The following CDS2 variants were observed in gnomAD, a reference collection of about 807,000 sequenced individuals.
CDS2 encodes the protein phosphatidate cytidylyltransferase 2.
CDS2 carries 47 observed loss-of-function variants against 59.0 expected under a neutral mutation model. The observed-to-expected ratio is 0.80, with a 90% CI of 0.63 to 1.02. The LOEUF (loss-of-function observed/expected upper bound fraction) is 1.02. Among genes scored for constraint, CDS2 ranks in the 50% least tolerant of loss-of-function variants. CDS2 has a pLI of 0.00. For synonymous variants in CDS2, 207 were observed against 206.4 expected, an observed-to-expected ratio of 1.00 and a Z score of -0.02; for missense variants, 356 against 558.9, an observed-to-expected ratio of 0.64 and a Z score of 3.66.
chr20:5,178,807 T>C lies in CDS2; in HGVS notation c.390-10T>C, dbSNP rs1568542037. On this transcript the variant is annotated splice_polypyrimidine_tract_variant and intron_variant, in intron 4 of 12. Coordinates refer to ENST00000460006, the MANE Select transcript of CDS2 (RefSeq NM_003818.4). The stretch of plus-strand genomic sequence containing the variant: ...TGCTCCCCACGGCAATGACCTGTCT[T>C]CATTTACAGGTACTTTCTCCTGTGT... 6.2e-7 allele frequency: 1 copy of C among 1,614,060 alleles called. No individual in the cohort carries two copies.
At chr20:5,168,443 A>G (rs1479620647) in intron 1 of CDS2, among the ~76,000 whole-genome samples, 14 of 151,724 alleles carry the variant, frequency 9.2e-5, no homozygotes, top group African/African-American at 1.7e-4. Flanking sequence ...AGAAAAGAAA[A>G]AAAAAAAAGA....
At position 5,175,479 on chromosome 20, in the gene CDS2, G is replaced by T. The variant is rs189240501; in HGVS notation, c.291+200G>T. 14 of 508,396 alleles carry T rather than the reference G, an allele frequency of 2.8e-5. No homozygotes were observed. The Admixed American group carries it at 4.2e-4, about 15-fold the overall frequency. The allele number at this position is 508,396 out of a possible 1,614,324, so 31.5% of individuals were successfully genotyped here. A position where few individuals can be genotyped will look rare whatever the true frequency, so the allele number is the denominator to read the frequency against. ...TCATTGGTGTAGGCTGGTTGTTTAT[G>T]GTTGAAGATGTCTCAGTGTCTTTTC... On this transcript the variant is annotated intron_variant, in intron 3 of 12. Transcript: ENST00000460006.
At chr20:5,131,272 G>A (rs1369129384) in intron 1 of CDS2, among the ~76,000 whole-genome samples, 2 of 152,124 alleles carry the variant, frequency 1.3e-5, no homozygotes, top group Non-Finnish European at 1.5e-5. Flanking sequence ...ATCTGAGAAT[G>A]GAATTTTCAA....
rs1446143552 is a variant in CDS2 at position 5,186,675 on chromosome 20, A to G, written c.829-12A>G. On this transcript the variant is annotated splice_polypyrimidine_tract_variant and intron_variant, in intron 9 of 12. Coordinates refer to ENST00000460006, the MANE Select transcript of CDS2 (RefSeq NM_003818.4). ...TTACTTCCTTGCCGGTCTCTCTGTT[A>G]TTCCTCCTCAGCTGTCCTATGTGAT... The G allele has an allele frequency of 1.2e-6, 2 of 1,613,504 alleles. No homozygotes were observed. Among genetic ancestry groups the G allele is most frequent in the Non-Finnish European group, 1.7e-6 (2 of 1,179,568 alleles).
At chr20:5,168,172 T>C (rs959142758) in intron 1 of CDS2, among the ~76,000 whole-genome samples, 5 of 152,036 alleles carry the variant, frequency 3.3e-5, no homozygotes, top group Admixed American at 2.0e-4. Flanking sequence ...CCCAGCACTT[T>C]GGGAGGCCGA....
intron 10 of CDS2, among the ~76,000 whole-genome samples, chr20:5,188,063 T>TGTGC (rs140903949): frequency 6.6e-6 from 1 of 151,868 alleles, no homozygotes; most frequent in Non-Finnish European, 1.5e-5. Flanking sequence ...TACGTGTGTG[T>TGTGC]GTGTGTGTGT....
chr20:5,152,121 T>C (rs1410588031), intron 1 of CDS2, among the ~76,000 whole-genome samples: 2 of 152,004 alleles, frequency 1.3e-5, no homozygotes, highest in Non-Finnish European at 2.9e-5. Flanking sequence ...GGCAATGATC[T>C]TTTAAAATAC....
At chr20:5,153,031 C>T (rs554705235) in intron 1 of CDS2, among the ~76,000 whole-genome samples, 5 of 152,192 alleles carry the variant, frequency 3.3e-5, no homozygotes, top group Admixed American at 6.5e-5. Context: ...CAATAATAGC[C>T]GGCTTTTGTG....
intron 1 of CDS2, among the ~76,000 whole-genome samples, chr20:5,148,340 G>A (rs1285583224): frequency 6.6e-6 from 1 of 152,146 alleles, no homozygotes; most frequent in African/African-American, 2.4e-5. Flanking sequence ...CTTTATGGGG[G>A]CACTTCTCTC....
rs140120098 is a variant in CDS2 at position 5,178,219 on chromosome 20, C to T, written c.390-598C>T. On this transcript the variant is annotated intron_variant, in intron 4 of 12. Transcript: ENST00000460006. The stretch of plus-strand genomic sequence containing the variant: ...TTGTCAGAGCCAGGCTTCAGAGAGG[C>T]AGATGCATCATTAATTGCTTAGTCA... Among the ~76,000 whole-genome samples, 7 of 152,308 alleles carry T rather than the reference C, an allele frequency of 4.6e-5. No homozygotes were observed. In the East Asian group the frequency reaches 1.3e-3, roughly 29 times the overall value.
intron 1 of CDS2, among the ~76,000 whole-genome samples, chr20:5,133,161 C>T (rs146208837): frequency 7.2e-5 from 11 of 152,034 alleles, no homozygotes; most frequent in African/African-American, 2.4e-4. Context: ...GAGGACAGAG[C>T]GAGACTTCAT....
At chr20:5,133,010 C>CGAAAA (rs2090620148) in intron 1 of CDS2, among the ~76,000 whole-genome samples, 1 of 135,972 alleles carries the variant, frequency 7.4e-6, no homozygotes, top group Admixed American at 7.5e-5. Context: ...TTCTCTACTA[C>CGAAAA]AAAAAAAAAA....
intron 1 of CDS2, among the ~76,000 whole-genome samples, chr20:5,155,173 C>G (rs1283849227): frequency 6.6e-6 from 1 of 152,196 alleles, no homozygotes; most frequent in African/African-American, 2.4e-5. Flanking sequence ...GAGGCACTCC[C>G]CCACCCCAAG....
At chr20:5,151,481 G>C (rs1177819419) in intron 1 of CDS2, among the ~76,000 whole-genome samples, 1 of 152,176 alleles carries the variant, frequency 6.6e-6, no homozygotes, top group Non-Finnish European at 1.5e-5. Context: ...GCAGTGATCA[G>C]TGGGCAAGGT....
At chr20:5,154,112 C>T (rs913782242) in intron 1 of CDS2, among the ~76,000 whole-genome samples, 5 of 152,138 alleles carry the variant, frequency 3.3e-5, no homozygotes, top group African/African-American at 1.2e-4. Flanking sequence ...TCCAGAATAC[C>T]TATGTGGAGG....
At chr20:5,168,698 A>C in intron 1 of CDS2, 1 of 513,078 alleles carries the variant, frequency 1.9e-6, no homozygotes, top group Non-Finnish European at 3.9e-6. Context: ...CAGGAAACCC[A>C]AACAGCAGGG....
rs764509011 is a variant in CDS2 at position 5,178,499 on chromosome 20, C to T, written c.390-318C>T. On this transcript the variant is annotated intron_variant, in intron 4 of 12. Transcript: ENST00000460006. ...ACGAGACTGGGGAAGCAGGATGAGG[C>T]GTGTTTTTGAAGGTCATATGGTTCA... Among the ~76,000 whole-genome samples, 6 of 152,026 alleles carry T rather than the reference C, an allele frequency of 3.9e-5. No individual in the cohort carries two copies. The East Asian group carries it at 5.8e-4, about 15-fold the overall frequency.
chr20:5,146,575 C>T (rs948997609), intron 1 of CDS2, among the ~76,000 whole-genome samples: 2 of 152,154 alleles, frequency 1.3e-5, no homozygotes, highest in Non-Finnish European at 2.9e-5. Context: ...TTTTTTTGAG[C>T]AGTAAACCTT....
intron 1 of CDS2, among the ~76,000 whole-genome samples, chr20:5,172,597 G>A (rs975082819): frequency 2.0e-5 from 3 of 152,220 alleles, no homozygotes; most frequent in South Asian, 4.1e-4. Context: ...CCCAGATCCC[G>A]TTTCTTATTT....
Sources: gnomAD v4.1 joint callset for allele counts (sites outside exome capture counted in the v4.1 genomes callset) on GRCh38, gnomAD v4.1.1 for gene constraint, MANE v1.5 for transcripts, NCBI Gene and HGNC (gene_info 2026-07-23, HGNC 2026-07-21) for gene names.